TFIP11: variants seen among roughly 807,000 people sequenced by gnomAD.
TFIP11 encodes the protein tuftelin-interacting protein 11.
A neutral mutation model predicts 96.8 loss-of-function variants in TFIP11; 86 were observed. The observed-to-expected ratio is 0.89, with a 90% CI of 0.75 to 1.06. The LOEUF (loss-of-function observed/expected upper bound fraction) is 1.06, where lower values mean the gene tolerates loss of function less well. TFIP11 is among the 50% of genes least tolerant of loss of function. TFIP11 has a pLI of 0.00. For synonymous variants in TFIP11, 405 were observed against 395.2 expected, an observed-to-expected ratio of 1.02 and a Z score of -0.29; for missense variants, 881 against 1,076.7, an observed-to-expected ratio of 0.82 and a Z score of 2.54.
chr22:26,501,009 G>A (rs895012817), intron 8 of TFIP11, among the ~76,000 whole-genome samples: 13 of 144,100 alleles, frequency 9.0e-5, no homozygotes, highest in South Asian at 2.2e-4. Context: ...TCAGCCTCCC[G>A]AGTAGCTGGG....
chr22:26,500,307 C>A (rs1457892798), intron 8 of TFIP11, among the ~76,000 whole-genome samples: 3 of 151,914 alleles, frequency 2.0e-5, no homozygotes, highest in Non-Finnish European at 4.4e-5. Flanking sequence ...GTAGCTGGGA[C>A]TACAGGCGCC....
chr22:26,496,137 C>T lies in TFIP11; in HGVS notation c.1785G>A (p.Trp595Ter). Residue 595 changes from tryptophan to a stop codon, truncating the protein, a stop_gained, in exon 12 of 15, where the codon TGG (tryptophan) becomes TGA (stop). Coordinates refer to ENST00000407690, the MANE Select transcript of TFIP11 (RefSeq NM_012143.4). LOFTEE classifies it high-confidence loss of function. ...AGGAGCCAGGAGTGAAGACATCCTT[C>T]CAGGGCTGGAGGATGAGCTTGGCAG... ...DSSAKLILQP[W>*]KDVFTPGSWE... The T allele has an allele frequency of 6.2e-7, 1 of 1,613,920 alleles. No homozygotes were observed. Among genetic ancestry groups the T allele is most frequent in the Non-Finnish European group, 8.5e-7 (1 of 1,180,016 alleles).
Position 26,499,371 on chromosome 22 carries a change from G to A in TFIP11, c.1062C>T (p.His354=), listed in dbSNP as rs1008530. ...YERDMVVNLF[H]ELEKMTEVLD... ...GGACCTCGGTCATCTTCTCCAGCTC[G>A]TGGAAGAGGTTGACCACCATGTCCC... The change falls in exon 9 of 15, where the codon CAC becomes CAT. Residue 354 remains histidine (H), a synonymous_variant. Transcript: ENST00000407690. 1,389,335 of 1,613,910 alleles carry A rather than the reference G, an allele frequency of 0.86. 601,516 individuals are homozygous for A. The highest frequency in any genetic ancestry group is 0.9 in the South Asian group (81,584 of 91,078).
chr22:26,506,605 C>T, intron 5 of TFIP11, 146 bp from the exon 6 acceptor site: 1 of 1,298,898 alleles, frequency 7.7e-7, no homozygotes, highest in Non-Finnish European at 1.1e-6. Flanking sequence ...GATAACGTGT[C>T]AGGAAGGAAG....
At chr22:26,496,936 T>C in intron 10 of TFIP11, 47 bp from the exon 11 acceptor site, 1 of 1,599,438 alleles carries the variant, frequency 6.3e-7, no homozygotes, top group Non-Finnish European at 8.5e-7. Flanking sequence ...CACTGACTGG[T>C]TTCAAAGTAC....
chr22:26,496,477 T>A (rs752815977), intron 11 of TFIP11, among the ~76,000 whole-genome samples, 161 bp from the exon 12 acceptor site: 1 of 152,156 alleles, frequency 6.6e-6, no homozygotes, highest in Non-Finnish European at 1.5e-5. Flanking sequence ...TCCATTTGAT[T>A]ACATCTCAGA....
At chr22:26,510,344 TTG>T in intron 3 of TFIP11, 63 bp from the exon 4 acceptor site, 1 of 1,468,204 alleles carries the variant, frequency 6.8e-7, no homozygotes, top group Non-Finnish European at 9.5e-7. Context: ...GAAGGATTCC[TTG>T]TGAGTCTCTA....
chr22:26,503,209 CT>C (rs1922999463), intron 7 of TFIP11, among the ~76,000 whole-genome samples: 1 of 151,974 alleles, frequency 6.6e-6, no homozygotes, highest in Non-Finnish European at 1.5e-5. Flanking sequence ...TCTGAATGCA[CT>C]TCCTTCCCCT....
rs1419223649 is a variant in TFIP11, at chr22:26,491,331, A to G, written c.*682T>C. On this transcript the variant is annotated 3_prime_UTR_variant, in exon 15 of 15. Transcript: ENST00000407690. ...CCCAATTCATTGTGCAAAAGCATTT[A>G]AATCAAAATACCCTATTTGTTATTT... is the stretch of plus-strand genomic sequence containing the variant. The G allele has an allele frequency of 1.2e-6, 1 of 807,604 alleles. No individual in the cohort carries two copies. The highest frequency in any genetic ancestry group is 2.0e-6 in the Non-Finnish European group (1 of 505,492). 50.0% of individuals were successfully genotyped at this position (807,604 alleles called of 1,614,324 possible). A position where few individuals can be genotyped will look rare whatever the true frequency, so the allele number is the denominator to read the frequency against.
At position 26,506,835 on chromosome 22, in the gene TFIP11, TTCG is replaced by T; in HGVS notation, c.300_302del (p.Asp100del). ...AGTCGTCCTGCTTAACAGGTTTCTC[TTCG>T]TCATCAGAATCTTCCAACTCTGCCT... On this transcript the variant is annotated inframe_deletion, in exon 5 of 15. Transcript: ENST00000407690. The T allele has an allele frequency of 1.2e-6, 2 of 1,614,258 alleles. No homozygotes were observed. Among genetic ancestry groups the T allele is most frequent in the Non-Finnish European group, 1.7e-6 (2 of 1,180,042 alleles).
intron 9 of TFIP11, 57 bp from the exon 10 acceptor site, chr22:26,499,032 T>C (rs1190885039): frequency 4.4e-5 from 71 of 1,610,432 alleles, no homozygotes; most frequent in Non-Finnish European, 5.8e-5. Context: ...TCCCTGCCCA[T>C]TGAACCAACT....
At chr22:26,492,882 T>TGAGGGGTATATTCAGG (rs1234660870) in intron 14 of TFIP11, 1 of 158,548 alleles carries the variant, frequency 6.3e-6, no homozygotes, top group African/African-American at 2.4e-5. Context: ...AAGTGCTAAT[T>TGAGGGGTATATTCAGG]GAGGGGTATA....
At chr22:26,498,257 A>G (rs1298334009) in intron 10 of TFIP11, among the ~76,000 whole-genome samples, 1 of 152,150 alleles carries the variant, frequency 6.6e-6, no homozygotes, top group African/African-American at 2.4e-5. Context: ...AAGACTACAA[A>G]TTGAACCAGG....
intron 4 of TFIP11, among the ~76,000 whole-genome samples, chr22:26,509,296 A>G (rs1184652190): frequency 6.6e-6 from 1 of 152,044 alleles, no homozygotes; most frequent in Non-Finnish European, 1.5e-5. Flanking sequence ...CTACCACCCT[A>G]GTTACCTTCT....
In TFIP11 at chr22:26,503,747, A is replaced by G. The variant is rs1330098605; in HGVS notation, c.567T>C (p.Ala189=). 3 of 1,613,848 alleles carry G rather than the reference A, an allele frequency of 1.9e-6. No homozygotes were observed. The highest frequency in any genetic ancestry group is 2.5e-6 in the Non-Finnish European group (3 of 1,179,990). Residue 189 remains alanine, a synonymous_variant, in exon 7 of 15, where the codon GCT becomes GCC. Transcript: ENST00000407690. The part of the protein sequence containing the change: ...IEAKQRKGKG[A]VGAYGSERTT... Reference sequence around the variant, plus strand: ...TGCGCTCGGATCCATAAGCCCCCACAGCACCTTTTCCCTTTCTCTGCTTGG... The same window carrying G: ...TGCGCTCGGATCCATAAGCCCCCACGGCACCTTTTCCCTTTCTCTGCTTGG...
At chr22:26,495,818 G>A (rs913729721) in intron 12 of TFIP11, among the ~76,000 whole-genome samples, 2 of 151,810 alleles carry the variant, frequency 1.3e-5, no homozygotes, top group African/African-American at 4.8e-5. Flanking sequence ...AAAACCAATC[G>A]GGAAAACCAC....
chr22:26,496,835 C>G lies in TFIP11; in HGVS notation c.1491G>C (p.Gln497His). ...CCACCATCGGGTCACAGTTCCTTGG[C>G]TGCCACTGGGTGACAATATTTCGAA... is the stretch of plus-strand genomic sequence containing the variant. ...PFVRNIVTQWQPRNCDPMVDF... is the reference protein window; with the variant it reads ...PFVRNIVTQWHPRNCDPMVDF... Residue 497 changes from glutamine (Q) to histidine (H), a missense_variant, in exon 11 of 15, where the codon CAG becomes CAC. By Grantham distance (24) the Gln-to-His change is conservative. Coordinates refer to ENST00000407690, the MANE Select transcript of TFIP11 (RefSeq NM_012143.4). 6.2e-7 allele frequency: 1 copy of G among 1,614,226 alleles called. No individual in the cohort carries two copies. The highest frequency in any genetic ancestry group is 1.1e-5 in the South Asian group (1 of 91,086).
chr22:26,503,908 A>G, intron 6 of TFIP11, 115 bp from the exon 7 acceptor site: 4 of 1,361,972 alleles, frequency 2.9e-6, no homozygotes, highest in Non-Finnish European at 4.0e-6. Flanking sequence ...ATAACATGCT[A>G]CTCAGGAAGG....
At chr22:26,502,769 A>G (rs536229934) in intron 7 of TFIP11, among the ~76,000 whole-genome samples, 1 of 152,304 alleles carries the variant, frequency 6.6e-6, no homozygotes, top group African/African-American at 2.4e-5. Context: ...CCACATCCTC[A>G]TAAGCAACAA....
Sources: allele counts gnomAD v4.1 joint callset (sites outside exome capture counted in the v4.1 genomes callset), GRCh38; gene constraint gnomAD v4.1.1; transcripts MANE v1.5; gene names NCBI Gene and HGNC (gene_info 2026-07-23, HGNC 2026-07-21).